Variants in ARHGAP15 observed in about 807,000 individuals in gnomAD.
The protein encoded by ARHGAP15 is Rho GTPase activating protein 15.
ARHGAP15 carries 51 observed loss-of-function variants against 63.7 expected under a neutral mutation model. That is an observed-to-expected ratio of 0.80 (90% CI 0.64 to 1.01). ARHGAP15 has a LOEUF of 1.01. Among genes scored for constraint, ARHGAP15 ranks in the 50% least tolerant of loss-of-function variants. The pLI, the probability that ARHGAP15 is intolerant of heterozygous loss-of-function variation, is 0.00. For synonymous variants in ARHGAP15, 191 were observed against 193.8 expected, an observed-to-expected ratio of 0.99 and a Z score of 0.12; for missense variants, 560 against 564.6, an observed-to-expected ratio of 0.99 and a Z score of 0.08.
At chr2:143,564,053 C>T (rs528248667) in intron 11 of ARHGAP15, 2 of 152,256 alleles carry the variant, frequency 1.3e-5, no homozygotes, top group Non-Finnish European at 2.9e-5. Flanking sequence ...GGTCTGCTTC[C>T]AGGTTCACAT....
chr2:143,387,086 C>A (rs1687318046), intron 6 of ARHGAP15, among the ~76,000 whole-genome samples: 1 of 152,004 alleles, frequency 6.6e-6, no homozygotes, highest in African/African-American at 2.4e-5. Flanking sequence ...ATAATCTGTA[C>A]AACAAACTGC....
At chr2:143,526,698 T>C (rs1367611919) in intron 10 of ARHGAP15, among the ~76,000 whole-genome samples, 1 of 152,100 alleles carries the variant, frequency 6.6e-6, no homozygotes, top group Non-Finnish European at 1.5e-5. Flanking sequence ...TGGAAGCAAA[T>C]GTTTACAAAA....
intron 11 of ARHGAP15, among the ~76,000 whole-genome samples, chr2:143,577,992 A>G (rs1444265251): frequency 6.6e-6 from 1 of 152,214 alleles, no homozygotes; most frequent in East Asian, 1.9e-4. Context: ...TCTTACTTGC[A>G]AGCAGTCTTT....
Position 143,397,571 on chromosome 2 carries a change from A to C in ARHGAP15, c.475-38030A>C, listed in dbSNP as rs1229792079. On this transcript the variant is annotated intron_variant, in intron 6 of 13. Transcript: ENST00000295095. ...TTAAAATATTGGCAAAAAAAAACGA[A>C]GAAGAAATAAAATATAACCCTAGCA... Among the ~76,000 whole-genome samples the C allele has an allele frequency of 5.3e-4, 49 of 92,712 alleles. No homozygotes were observed. The South Asian group carries it at 8.3e-3, about 16-fold the overall frequency. The allele number at this position is 92,712 out of a possible 152,430, so 60.8% of individuals were successfully genotyped here.
intron 2 of ARHGAP15, among the ~76,000 whole-genome samples, chr2:143,186,960 C>A (rs1403554584): frequency 1.3e-5 from 2 of 152,012 alleles, no homozygotes; most frequent in Non-Finnish European, 2.9e-5. Flanking sequence ...AGTAGGTGAC[C>A]AGTGAAATGA....
intron 6 of ARHGAP15, among the ~76,000 whole-genome samples, chr2:143,347,963 G>A (rs1685369496): frequency 6.6e-6 from 1 of 152,036 alleles, no homozygotes; most frequent in South Asian, 2.1e-4. Context: ...TTTTGTGTGA[G>A]CCCAGTTTGT....
intron 12 of ARHGAP15, among the ~76,000 whole-genome samples, chr2:143,636,627 T>G (rs1251839853): frequency 6.6e-6 from 1 of 152,140 alleles, no homozygotes; most frequent in Admixed American, 6.6e-5. Flanking sequence ...CAGCAGGATC[T>G]TTTTCTAACA....
At chr2:143,559,119 C>T (rs1695924724) in intron 11 of ARHGAP15, among the ~76,000 whole-genome samples, 2 of 151,998 alleles carry the variant, frequency 1.3e-5, no homozygotes, top group Admixed American at 1.3e-4. Context: ...TATGCTGAAA[C>T]GATATCCTGA....
chr2:143,739,137 C>T (rs966919790), intron 13 of ARHGAP15, among the ~76,000 whole-genome samples: 3 of 152,136 alleles, frequency 2.0e-5, no homozygotes, highest in East Asian at 3.9e-4. Context: ...TGCATGCACA[C>T]TCCATCTTGG....
chr2:143,618,264 C>G (rs1698520588), intron 11 of ARHGAP15, among the ~76,000 whole-genome samples: 1 of 152,202 alleles, frequency 6.6e-6, no homozygotes, highest in South Asian at 2.1e-4. Flanking sequence ...TCCTTATAAA[C>G]AGTGTCATTT....
chr2:143,207,495 AACACACACACAC>A (rs70982851), intron 3 of ARHGAP15, among the ~76,000 whole-genome samples: 1 of 145,762 alleles, frequency 6.9e-6, no homozygotes, highest in African/African-American at 2.5e-5. Context: ...CACACACATA[AACACACACACAC>A]ACACACACAC....
intron 6 of ARHGAP15, among the ~76,000 whole-genome samples, chr2:143,270,692 A>G (rs1283368350): frequency 1.3e-5 from 2 of 152,166 alleles, no homozygotes; most frequent in Non-Finnish European, 2.9e-5. Context: ...GTTATTTTAA[A>G]CATATAATTT....
At chr2:143,135,919 A>G (rs1689115270) in intron 1 of ARHGAP15, among the ~76,000 whole-genome samples, 2 of 152,142 alleles carry the variant, frequency 1.3e-5, no homozygotes, top group African/African-American at 4.8e-5. Context: ...ATTATATTTC[A>G]AGACCAAATC....
chr2:143,320,711 G>T (rs1252934159), intron 6 of ARHGAP15, among the ~76,000 whole-genome samples: 1 of 152,090 alleles, frequency 6.6e-6, no homozygotes, highest in Non-Finnish European at 1.5e-5. Flanking sequence ...CAAAAATAGG[G>T]TAACTGCATG....
At chr2:143,326,317 A>G (rs574893257) in intron 6 of ARHGAP15, among the ~76,000 whole-genome samples, 6 of 152,332 alleles carry the variant, frequency 3.9e-5, no homozygotes, top group African/African-American at 1.2e-4. Flanking sequence ...ACACTTATGA[A>G]GTAGTTGCTT....
chr2:143,236,064 A>G, intron 5 of ARHGAP15: 2 of 1,419,246 alleles, frequency 1.4e-6, no homozygotes, highest in South Asian at 1.4e-5. Context: ...AAGCTCTGCA[A>G]TTTAGAACAT....
intron 12 of ARHGAP15, among the ~76,000 whole-genome samples, chr2:143,634,254 T>G (rs1680191501): frequency 6.6e-6 from 1 of 152,038 alleles, no homozygotes; most frequent in African/African-American, 2.4e-5. Context: ...AGATTGCTAC[T>G]CCACTGTCAA....
intron 6 of ARHGAP15, among the ~76,000 whole-genome samples, chr2:143,332,652 A>G (rs1384137320): frequency 1.3e-5 from 2 of 152,184 alleles, no homozygotes; most frequent in African/African-American, 2.4e-5. Context: ...AGTGTTTTTC[A>G]TAATCTGCTC....
chr2:143,531,473 A>G (rs1694522027), intron 10 of ARHGAP15, among the ~76,000 whole-genome samples: 1 of 152,210 alleles, frequency 6.6e-6, no homozygotes, highest in African/African-American at 2.4e-5. Flanking sequence ...TTGGATTTGA[A>G]TCAAATTCTT....
Sources: allele counts gnomAD v4.1 joint callset (sites outside exome capture counted in the v4.1 genomes callset), GRCh38; gene constraint gnomAD v4.1.1; transcripts MANE v1.5; gene names NCBI Gene and HGNC (gene_info 2026-07-23, HGNC 2026-07-21).